The following MKLN1 variants were observed in gnomAD, a reference collection of about 807,000 sequenced individuals.
MKLN1 encodes the protein muskelin 1.
A neutral mutation model predicts 99.0 loss-of-function variants in MKLN1; 18 were observed. The observed-to-expected ratio is 0.18, with a 90% CI of 0.13 to 0.27. The LOEUF is 0.27. MKLN1 is among the 10% of genes least tolerant of loss of function. The pLI is 1.00. For missense variants in MKLN1, 621 were observed against 875.9 expected (o/e 0.71, Z 3.67); for synonymous variants, 288 against 293.2 (o/e 0.98, Z 0.18).
chr7:131,329,313 G>C (rs1250291414), intron 1 of MKLN1, among the ~76,000 whole-genome samples: 1 of 152,170 alleles, frequency 6.6e-6, no homozygotes, highest in African/African-American at 2.4e-5. Flanking sequence ...CCAATGAAGG[G>C]TGCCAAGTGA....
chr7:131,244,748 C>T (rs766116724), intron 3 of MKLN1, among the ~76,000 whole-genome samples: 2 of 152,138 alleles, frequency 1.3e-5, no homozygotes, highest in African/African-American at 4.8e-5. Flanking sequence ...TGGCATGTCC[C>T]CCTGTGTTGG....
intron 3 of MKLN1, among the ~76,000 whole-genome samples, chr7:131,293,572 A>C (rs1798251516): frequency 6.6e-6 from 1 of 152,184 alleles, no homozygotes; most frequent in Admixed American, 6.5e-5. Flanking sequence ...ACTTTGGAAG[A>C]CTGAGGTGGA....
At chr7:131,391,655 A>C (rs995211468) in intron 4 of MKLN1, among the ~76,000 whole-genome samples, 3 of 152,142 alleles carry the variant, frequency 2.0e-5, no homozygotes, top group African/African-American at 7.2e-5. Flanking sequence ...GGAAAGTTTT[A>C]CTTTCCTTTC....
intron 12 of MKLN1, among the ~76,000 whole-genome samples, chr7:131,452,707 C>T (rs1277506294): frequency 2.6e-5 from 4 of 151,990 alleles, no homozygotes; most frequent in Admixed American, 6.5e-5. Context: ...TGCGCCACTA[C>T]GCCCAGCTAA....
chr7:131,383,920 G>T (rs535551277), intron 2 of MKLN1, among the ~76,000 whole-genome samples: 2 of 152,036 alleles, frequency 1.3e-5, no homozygotes, highest in Admixed American at 1.3e-4. Context: ...CTTTTAATCC[G>T]CTCTCTGTAA....
chr7:131,186,306 C>T lies in MKLN1; in HGVS notation c.-296-16551C>T, dbSNP rs141640506. 3.0e-3 allele frequency among the ~76,000 whole-genome samples: 456 copies of T among 152,278 alleles called. 1 individual carries two copies. Among genetic ancestry groups the T allele is most frequent in the African/African-American group, 0.01 (432 of 41,548 alleles). On this transcript the variant is annotated intron_variant, in intron 2 of 7. Transcript: ENST00000416992. ...ATTGCTTGAGGCCAGGAGTTCAAGA[C>T]CAGCCTGGGCAACATAGCAAGATAC... is the stretch of plus-strand genomic sequence containing the variant.
Position 131,399,273 on chromosome 7 carries a change from A to G in MKLN1, c.543A>G (p.Leu181=). The change falls in exon 6 of 18, where the codon CTA becomes CTG. Residue 181 remains leucine (L), a synonymous_variant. Coordinates refer to ENST00000352689, the MANE Select transcript of MKLN1 (RefSeq NM_013255.5). ...YREQEAIRLC[L]KHFRQHNYTE... is the part of the protein sequence containing the mutation. ...AACAGGAAGCTATTCGCCTTTGCCT[A>G]AAACACTTCAGACAACACAACTATA... is the stretch of plus-strand genomic sequence containing the variant. The G allele has an allele frequency of 1.2e-6, 2 of 1,614,026 alleles. No homozygotes were observed. The highest frequency in any genetic ancestry group is 8.5e-7 in the Non-Finnish European group (1 of 1,179,920).
intron 1 of MKLN1, among the ~76,000 whole-genome samples, chr7:131,365,175 T>C (rs1800143552): frequency 6.6e-6 from 1 of 152,210 alleles, no homozygotes; most frequent in African/African-American, 2.4e-5. Context: ...TGGTATCTCA[T>C]TGTGGTTTTG....
At chr7:131,140,614 C>T (rs900276219) in intron 1 of MKLN1, among the ~76,000 whole-genome samples, 3 of 152,102 alleles carry the variant, frequency 2.0e-5, no homozygotes, top group East Asian at 1.9e-4. Flanking sequence ...CACCTTCTGC[C>T]GTGAGTAAAA....
chr7:131,159,226 A>G (rs936208744), intron 2 of MKLN1, among the ~76,000 whole-genome samples: 2 of 152,158 alleles, frequency 1.3e-5, no homozygotes, highest in Non-Finnish European at 2.9e-5. Context: ...GACTAATGCT[A>G]TGGACAGAAA....
intron 17 of MKLN1, among the ~76,000 whole-genome samples, chr7:131,483,121 G>A (rs941515769): frequency 4.6e-5 from 7 of 152,240 alleles, no homozygotes; most frequent in Non-Finnish European, 1.0e-4. Flanking sequence ...AATAAAGTAA[G>A]ATAAACATAG....
At chr7:131,438,022 A>G in intron 10 of MKLN1, 25 bp downstream of exon 10, 1 of 1,547,530 alleles carries the variant, frequency 6.5e-7, no homozygotes, top group Non-Finnish European at 8.9e-7. Context: ...TAAATATATG[A>G]TGGAATTAAT....
chr7:131,205,032 AG>A (rs1166017835), intron 3 of MKLN1, among the ~76,000 whole-genome samples: 1 of 152,044 alleles, frequency 6.6e-6, no homozygotes, highest in African/African-American at 2.4e-5. Flanking sequence ...CAGGAGGCAA[AG>A]GTTGCAGTGA....
At chr7:131,339,454 C>T (rs1030920712) in intron 1 of MKLN1, among the ~76,000 whole-genome samples, 2 of 152,088 alleles carry the variant, frequency 1.3e-5, no homozygotes, top group African/African-American at 2.4e-5. Context: ...CCTGTAATCC[C>T]AGCACTTTGG....
intron 3 of MKLN1, among the ~76,000 whole-genome samples, chr7:131,275,553 ATATATATATATATATTTT>A (rs1378935139): frequency 2.0e-4 from 3 of 14,882 alleles, no homozygotes; most frequent in African/African-American, 8.7e-4. Flanking sequence ...ATATATATAT[ATATATATATATATATTTT>A]TTTTTTTTTT....
intron 2 of MKLN1, among the ~76,000 whole-genome samples, chr7:131,380,686 A>G (rs921286514): frequency 6.6e-6 from 1 of 152,166 alleles, no homozygotes; most frequent in Non-Finnish European, 1.5e-5. Context: ...ACTTAAGAGG[A>G]TACTCATGCT....
chr7:131,175,666 C>T (rs149508373), intron 2 of MKLN1, among the ~76,000 whole-genome samples: 2,444 of 152,272 alleles, frequency 0.016, 36 homozygotes, highest in South Asian at 0.065. Context: ...CTTTGGGAGG[C>T]CAAGGCAAGC....
chr7:131,333,649 A>C (rs1159853246), intron 1 of MKLN1, among the ~76,000 whole-genome samples: 1 of 150,702 alleles, frequency 6.6e-6, no homozygotes, highest in Non-Finnish European at 1.5e-5. Context: ...CGATTCTCCT[A>C]CCTCAGCCTC....
At chr7:131,125,405 C>T (rs1795438047) in intron 1 of MKLN1, among the ~76,000 whole-genome samples, 1 of 152,106 alleles carries the variant, frequency 6.6e-6, no homozygotes, top group East Asian at 1.9e-4. Flanking sequence ...CCAAAGAAGG[C>T]AATTCTGCAC....
Sources: gnomAD v4.1 joint callset for allele counts (sites outside exome capture counted in the v4.1 genomes callset) on GRCh38, gnomAD v4.1.1 for gene constraint, MANE v1.5 for transcripts, NCBI Gene and HGNC (gene_info 2026-07-23, HGNC 2026-07-21) for gene names.